The following SCUBE2 variants were observed in gnomAD, a reference collection of about 807,000 sequenced individuals.
The protein encoded by SCUBE2 is signal peptide, CUB and EGF-like domain-containing protein 2.
A neutral mutation model predicts 125.9 loss-of-function variants in SCUBE2; 114 were observed. That is an observed-to-expected ratio of 0.91 (90% CI 0.78 to 1.06). The LOEUF (loss-of-function observed/expected upper bound fraction) is 1.06, where lower values mean the gene tolerates loss of function less well. Ranked by LOEUF, SCUBE2 falls within the 50% of genes least tolerant of loss-of-function variation. The pLI is 0.00. For synonymous variants in SCUBE2, 459 were observed against 492.9 expected, an observed-to-expected ratio of 0.93 and a Z score of 0.91; for missense variants, 1,255 against 1,301.8, an observed-to-expected ratio of 0.96 and a Z score of 0.55.
intron 20 of SCUBE2, chr11:9,027,001 C>A: frequency 3.8e-6 from 1 of 261,522 alleles, no homozygotes; most frequent in Non-Finnish European, 7.4e-6. Context: ...AGGTCCCCAC[C>A]TGGCCAGGCT....
At chr11:9,023,230 T>C (rs1855458687) in intron 21 of SCUBE2, among the ~76,000 whole-genome samples, 2 of 152,274 alleles carry the variant, frequency 1.3e-5, no homozygotes, top group South Asian at 2.1e-4. Flanking sequence ...GAGAACATCA[T>C]TGAAATTGTG....
intron 14 of SCUBE2, 132 bp from the exon 15 acceptor site, chr11:9,048,230 C>T: frequency 1.2e-6 from 1 of 811,822 alleles, no homozygotes; most frequent in Non-Finnish European, 1.9e-6. Flanking sequence ...GATGCCAAGA[C>T]ACTGCAAGCC....
intron 6 of SCUBE2, among the ~76,000 whole-genome samples, 185 bp from the exon 7 acceptor site, chr11:9,066,165 C>T (rs1487955830): frequency 6.6e-6 from 1 of 152,188 alleles, no homozygotes; most frequent in Admixed American, 6.5e-5. Context: ...GGCCACAGAT[C>T]CTTAGCAAAC....
intron 4 of SCUBE2, among the ~76,000 whole-genome samples, chr11:9,073,293 C>T (rs1470367026): frequency 1.3e-5 from 2 of 152,120 alleles, no homozygotes; most frequent in African/African-American, 4.8e-5. Context: ...CCACACCTGG[C>T]ACAAGATAGG....
intron 2 of SCUBE2, among the ~76,000 whole-genome samples, chr11:9,088,294 C>G (rs1475529994): frequency 6.6e-6 from 1 of 152,224 alleles, no homozygotes; most frequent in Admixed American, 6.5e-5. Context: ...TTGAGACCAG[C>G]CTGGCCAACA....
intron 3 of SCUBE2, among the ~76,000 whole-genome samples, chr11:9,075,390 A>G (rs1861138738): frequency 6.6e-6 from 1 of 152,200 alleles, no homozygotes; most frequent in Admixed American, 6.5e-5. Context: ...GGATTGTCCA[A>G]TTATAAATCA....
intron 9 of SCUBE2, among the ~76,000 whole-genome samples, chr11:9,058,404 T>C (rs1427346592): frequency 6.6e-6 from 1 of 151,908 alleles, no homozygotes; most frequent in South Asian, 2.1e-4. Context: ...AAGACCAGCC[T>C]GACCAACATA....
chr11:9,029,297 T>C (rs1410475513), intron 19 of SCUBE2, among the ~76,000 whole-genome samples: 6 of 152,198 alleles, frequency 3.9e-5, no homozygotes, highest in Admixed American at 3.9e-4. Context: ...TTCGGCACAT[T>C]CTAGCCTGAG....
At chr11:9,052,043 CA>C (rs1253917240) in intron 13 of SCUBE2, among the ~76,000 whole-genome samples, 1 of 152,200 alleles carries the variant, frequency 6.6e-6, no homozygotes, top group African/African-American at 2.4e-5. Context: ...CTCTGAGCCT[CA>C]GTTTCTTCAT....
At chr11:9,088,969 G>A (rs1162046005) in intron 2 of SCUBE2, among the ~76,000 whole-genome samples, 1 of 152,140 alleles carries the variant, frequency 6.6e-6, no homozygotes, top group African/African-American at 2.4e-5. Flanking sequence ...AATAGCATTG[G>A]CCCAGAGCTA....
At chr11:9,064,247 G>A (rs540152193) in intron 7 of SCUBE2, among the ~76,000 whole-genome samples, 1 of 152,184 alleles carries the variant, frequency 6.6e-6, no homozygotes, top group Admixed American at 6.5e-5. Flanking sequence ...TAGGCAGATC[G>A]CTAGAGCCCA....
At chr11:9,051,451 G>A (rs1166439749) in intron 13 of SCUBE2, among the ~76,000 whole-genome samples, 2 of 152,184 alleles carry the variant, frequency 1.3e-5, no homozygotes, top group African/African-American at 4.8e-5. Flanking sequence ...AGGGCTGAGG[G>A]AGCTGTTGTT....
intron 8 of SCUBE2, 139 bp from the exon 9 acceptor site, chr11:9,059,564 G>A: frequency 8.8e-7 from 1 of 1,138,324 alleles, no homozygotes; most frequent in Non-Finnish European, 1.2e-6. Context: ...AATGTTTGCT[G>A]ATGTTTTTAA....
At chr11:9,021,729 G>A (rs1183323959) in intron 22 of SCUBE2, 147 bp downstream of exon 22, 28 of 506,340 alleles carry the variant, frequency 5.5e-5, no homozygotes, top group East Asian at 1.4e-4. Flanking sequence ...TAAAAATTAA[G>A]TCTGGTGAAG....
chr11:9,053,590 G>C (rs933440909), intron 11 of SCUBE2, 47 bp downstream of exon 11: 7 of 1,604,578 alleles, frequency 4.4e-6, no homozygotes, highest in Non-Finnish European at 6.0e-6. Context: ...CTGCCTCTGG[G>C]CCAGTGGCCA....
chr11:9,067,383 A>T (rs1860353575), intron 5 of SCUBE2, among the ~76,000 whole-genome samples: 1 of 152,242 alleles, frequency 6.6e-6, no homozygotes, highest in Admixed American at 6.5e-5. Flanking sequence ...AAAAAGAAAA[A>T]AAGCCAACTA....
chr11:9,051,225 T>TAC (rs1555245378), intron 13 of SCUBE2, among the ~76,000 whole-genome samples: 6,196 of 132,168 alleles, frequency 0.047, 177 homozygotes, highest in Middle Eastern at 0.081. Context: ...TATCTATCTA[T>TAC]CTACCTACCT....
chr11:9,069,413 G>A lies in SCUBE2; in HGVS notation c.600C>T (p.Cys200=), dbSNP rs561880335. 1.2e-6 allele frequency: 2 copies of A among 1,614,228 alleles called. No individual in the cohort carries two copies. Among genetic ancestry groups the A allele is most frequent in the East Asian group, 4.5e-5 (2 of 44,882 alleles). Residue 200 remains cysteine, a synonymous_variant, in exon 5 of 23, where the codon TGC becomes TGT. Coordinates refer to ENST00000649792, the MANE Select transcript of SCUBE2 (RefSeq NM_001367977.2). ...EAPRGSVACE[C]RPGFELAKNQ... ...TCTTGGCCAGCTCAAAACCAGGCCTGCACTCACAGGCGACGCTGCCCCTTG... is the reference window on the plus strand; with the variant it reads ...TCTTGGCCAGCTCAAAACCAGGCCTACACTCACAGGCGACGCTGCCCCTTG...
rs545061521 is a variant in SCUBE2, at chr11:9,056,542, C to T, written c.1091-633G>A. Among the ~76,000 whole-genome samples, 23 of 152,256 alleles carry T rather than the reference C, an allele frequency of 1.5e-4. No individual in the cohort carries two copies. The East Asian group carries it at 3.7e-3, about 24-fold the overall frequency. ...CAGCTCCACATTGGATGCTTTTGGC[C>T]GATGCCTTGGTTTTGCTCCTCCCCT... On this transcript the variant is annotated intron_variant, in intron 9 of 22. Transcript: ENST00000649792.
Sources: gnomAD v4.1 joint callset for allele counts (sites outside exome capture counted in the v4.1 genomes callset) on GRCh38, gnomAD v4.1.1 for gene constraint, MANE v1.5 for transcripts, NCBI Gene and HGNC (gene_info 2026-07-23, HGNC 2026-07-21) for gene names.